Variants in CACNA2D1 observed in about 807,000 individuals in gnomAD.
CACNA2D1 encodes calcium voltage-gated channel auxiliary subunit alpha2delta 1.
A neutral mutation model predicts 171.5 loss-of-function variants in CACNA2D1; 53 were observed. The observed-to-expected ratio is 0.31, with a 90% CI of 0.25 to 0.39. CACNA2D1 has a LOEUF of 0.39. Among genes scored for constraint, CACNA2D1 ranks in the 10% least tolerant of loss-of-function variants. The pLI is 1.00. For synonymous variants in CACNA2D1, 442 were observed against 443.1 expected (o/e 1.00, Z 0.03); for missense variants, 903 against 1,299.8 (o/e 0.69, Z 4.69).
rs1377303524 is a variant in CACNA2D1, at chr7:82,072,689, C to G, written c.659-6165G>C. The stretch of plus-strand genomic sequence containing the variant: ...TCTGTTGTCATTTTGAAATTGTCTT[C>G]CCTGGTTGGACCTAGCCTAGTGTAG... On this transcript the variant is annotated intron_variant, in intron 7 of 38. Coordinates refer to ENST00000356860, the MANE Select transcript of CACNA2D1 (RefSeq NM_000722.4). Among the ~76,000 whole-genome samples, 4 of 151,726 alleles carry G rather than the reference C, an allele frequency of 2.6e-5. No homozygotes were observed. In the East Asian group the frequency reaches 7.8e-4, roughly 30 times the overall value.
At chr7:82,102,726 A>G (rs1335197237) in intron 6 of CACNA2D1, among the ~76,000 whole-genome samples, 1 of 152,128 alleles carries the variant, frequency 6.6e-6, no homozygotes, top group African/African-American at 2.4e-5. Flanking sequence ...TGTGCTGGCA[A>G]TTAAATCCAC....
intron 3 of CACNA2D1, among the ~76,000 whole-genome samples, chr7:82,330,623 A>T (rs1336429734): frequency 1.3e-5 from 2 of 152,240 alleles, no homozygotes; most frequent in African/African-American, 2.4e-5. Context: ...TTTAAATACC[A>T]TATATTTTCT....
At chr7:82,102,088 G>A (rs1173181683) in intron 6 of CACNA2D1, among the ~76,000 whole-genome samples, 1 of 151,976 alleles carries the variant, frequency 6.6e-6, no homozygotes, top group African/African-American at 2.4e-5. Context: ...GTAAGCTGTG[G>A]GTTTTTGTTT....
intron 3 of CACNA2D1, among the ~76,000 whole-genome samples, chr7:82,331,600 G>A (rs1817304478): frequency 6.6e-6 from 1 of 152,182 alleles, no homozygotes; most frequent in African/African-American, 2.4e-5. Flanking sequence ...TAGCCATTGT[G>A]TCTTCAGTAT....
At chr7:82,142,596 A>G (rs1792526676) in intron 4 of CACNA2D1, among the ~76,000 whole-genome samples, 1 of 152,198 alleles carries the variant, frequency 6.6e-6, no homozygotes, top group Non-Finnish European at 1.5e-5. Flanking sequence ...TATATGACAC[A>G]TTCAAAATTC....
At chr7:82,023,310 T>C (rs1306160025) in intron 12 of CACNA2D1, among the ~76,000 whole-genome samples, 1 of 151,914 alleles carries the variant, frequency 6.6e-6, no homozygotes, top group Non-Finnish European at 1.5e-5. Context: ...AAGCTATACC[T>C]ATCTATAATC....
chr7:82,066,115 A>G (rs950028212), intron 8 of CACNA2D1, among the ~76,000 whole-genome samples: 1 of 151,952 alleles, frequency 6.6e-6, no homozygotes, highest in African/African-American at 2.4e-5. Flanking sequence ...ATTATCTCCT[A>G]CTCTATCTCA....
At chr7:82,125,358 T>C (rs942378781) in intron 5 of CACNA2D1, among the ~76,000 whole-genome samples, 2 of 152,152 alleles carry the variant, frequency 1.3e-5, no homozygotes, top group African/African-American at 2.4e-5. Context: ...ATTAAGAAAA[T>C]AGCACAGTTT....
At chr7:82,053,205 T>C (rs1805406802) in intron 10 of CACNA2D1, among the ~76,000 whole-genome samples, 1 of 139,582 alleles carries the variant, frequency 7.2e-6, no homozygotes, top group African/African-American at 2.7e-5. Context: ...TGAGCCGAGA[T>C]GGCGCCACTG....
At chr7:81,952,893 AACTTG>A in intron 38 of CACNA2D1, among the ~76,000 whole-genome samples, 1 of 152,044 alleles carries the variant, frequency 6.6e-6, no homozygotes, top group South Asian at 2.1e-4. Context: ...AGGGATTTCA[AACTTG>A]ACTTGCCTTG....
intron 2 of CACNA2D1, among the ~76,000 whole-genome samples, chr7:82,339,132 T>C (rs1818322959): frequency 6.6e-6 from 1 of 152,100 alleles, no homozygotes; most frequent in Non-Finnish European, 1.5e-5. Context: ...GATTAGAGAA[T>C]ATAGAAAAAG....
At chr7:82,030,190 C>T (rs1802502394) in intron 12 of CACNA2D1, among the ~76,000 whole-genome samples, 1 of 151,696 alleles carries the variant, frequency 6.6e-6, no homozygotes, top group Non-Finnish European at 1.5e-5. Flanking sequence ...TTAGATTGGA[C>T]ATTTTTAGGA....
At chr7:82,081,630 T>C (rs1307590324) in intron 7 of CACNA2D1, among the ~76,000 whole-genome samples, 6 of 152,186 alleles carry the variant, frequency 3.9e-5, no homozygotes, top group Non-Finnish European at 8.8e-5. Flanking sequence ...AGTGGGCACA[T>C]GGTTGCTTCC....
intron 18 of CACNA2D1, among the ~76,000 whole-genome samples, chr7:82,004,873 A>C (rs915307984): frequency 6.6e-6 from 1 of 152,150 alleles, no homozygotes; most frequent in African/African-American, 2.4e-5. Context: ...ATGGCATTTT[A>C]TCTCTTTCAG....
At chr7:82,245,913 T>A (rs1370423161) in intron 3 of CACNA2D1, among the ~76,000 whole-genome samples, 2 of 152,152 alleles carry the variant, frequency 1.3e-5, no homozygotes, top group Admixed American at 6.6e-5. Context: ...TTAACTTAAA[T>A]TTTTTCTATA....
At chr7:82,004,755 C>T (rs1416764250) in intron 18 of CACNA2D1, among the ~76,000 whole-genome samples, 2 of 152,082 alleles carry the variant, frequency 1.3e-5, no homozygotes, top group Admixed American at 1.3e-4. Flanking sequence ...CTATTAATGC[C>T]CTGTGAAACA....
chr7:82,247,713 AT>A (rs748054318), intron 3 of CACNA2D1, among the ~76,000 whole-genome samples: 16 of 152,102 alleles, frequency 1.1e-4, no homozygotes, highest in Non-Finnish European at 2.1e-4. Flanking sequence ...CTCCATAATA[AT>A]TTTTATCCAG....
intron 5 of CACNA2D1, among the ~76,000 whole-genome samples, chr7:82,127,350 A>C (rs2129064536): frequency 6.6e-6 from 1 of 152,356 alleles, no homozygotes; most frequent in Non-Finnish European, 1.5e-5. Flanking sequence ...TGCTTCCACT[A>C]ACCTTGAAGC....
At chr7:82,025,991 A>G (rs1325657660) in intron 12 of CACNA2D1, among the ~76,000 whole-genome samples, 1 of 147,056 alleles carries the variant, frequency 6.8e-6, no homozygotes, top group African/African-American at 2.5e-5. Flanking sequence ...TCTTTGTTAT[A>G]TATTATTGCT....
Sources: gnomAD v4.1 joint callset for allele counts (sites outside exome capture counted in the v4.1 genomes callset) on GRCh38, gnomAD v4.1.1 for gene constraint, MANE v1.5 for transcripts, NCBI Gene and HGNC (gene_info 2026-07-23, HGNC 2026-07-21) for gene names.